The following CNTNAP2 variants were observed in gnomAD, a reference collection of about 807,000 sequenced individuals.
CNTNAP2 encodes the protein contactin-associated protein-like 2.
In CNTNAP2, 98 loss-of-function variants were observed where a neutral mutation model predicts 155.2. The ratio of observed to expected loss-of-function variants is 0.63; its 90% CI spans 0.54 to 0.75. CNTNAP2 has a LOEUF of 0.75. CNTNAP2 is among the 30% of genes least tolerant of loss of function. CNTNAP2 has a pLI of 0.00. For missense variants in CNTNAP2, 1,727 were observed against 1,688.1 expected, an observed-to-expected ratio of 1.02 and a Z score of -0.40; for synonymous variants, 651 against 631.2, an observed-to-expected ratio of 1.03 and a Z score of -0.47.
chr7:147,420,134 C>T (rs1194616518), intron 10 of CNTNAP2, among the ~76,000 whole-genome samples: 2 of 152,142 alleles, frequency 1.3e-5, no homozygotes, highest in Non-Finnish European at 2.9e-5. Context: ...ATAAATTGCA[C>T]CATTTGCCAA....
intron 10 of CNTNAP2, among the ~76,000 whole-genome samples, chr7:147,434,740 G>A (rs1475241596): frequency 6.6e-6 from 1 of 152,194 alleles, no homozygotes; most frequent in East Asian, 1.9e-4. Flanking sequence ...AGCTTTAGTT[G>A]TACATGGAGC....
At chr7:147,545,142 A>G (rs900128797) in intron 11 of CNTNAP2, among the ~76,000 whole-genome samples, 1 of 152,092 alleles carries the variant, frequency 6.6e-6, no homozygotes, top group Non-Finnish European at 1.5e-5. Context: ...TTATTACTGG[A>G]TTTACTTTTT....
At chr7:147,463,958 T>TTA (rs774709661) in intron 10 of CNTNAP2, among the ~76,000 whole-genome samples, 2 of 82,968 alleles carry the variant, frequency 2.4e-5, no homozygotes, top group African/African-American at 9.8e-5. Context: ...GCCCCACTAC[T>TTA]AAAAAAAAAA....
At position 146,160,363 on chromosome 7, in the gene CNTNAP2, A is replaced by G. The variant is rs574899642; in HGVS notation, c.97+43390A>G. ...AGATCAGAGCAGAAATGAAGGTGAT[A>G]GAGACACAAAAAACCCTTCAAAAAA... On this transcript the variant is annotated intron_variant, in intron 1 of 23. Coordinates refer to ENST00000361727, the MANE Select transcript of CNTNAP2 (RefSeq NM_014141.6). 9.2e-5 allele frequency among the ~76,000 whole-genome samples: 14 copies of G among 152,332 alleles called. No individual in the cohort carries two copies. In the South Asian group the frequency reaches 1.7e-3, roughly 18 times the overall value.
At chr7:146,950,448 C>T (rs545853680) in intron 3 of CNTNAP2, among the ~76,000 whole-genome samples, 155 of 152,140 alleles carry the variant, frequency 1.0e-3, no homozygotes, top group African/African-American at 3.6e-3. Context: ...CTCCCCTTGC[C>T]CCCCACCACC....
At chr7:147,265,614 TG>T (rs1804589039) in intron 8 of CNTNAP2, among the ~76,000 whole-genome samples, 1 of 152,118 alleles carries the variant, frequency 6.6e-6, no homozygotes, top group Non-Finnish European at 1.5e-5. Flanking sequence ...CTCAGACGAG[TG>T]GGTTTCCCCC....
chr7:147,722,787 A>G (rs1396761554), intron 13 of CNTNAP2, among the ~76,000 whole-genome samples: 1 of 152,096 alleles, frequency 6.6e-6, no homozygotes, highest in Non-Finnish European at 1.5e-5. Context: ...AACACCTGCT[A>G]CTGTGTAGTT....
At chr7:146,954,455 G>T (rs1797391046) in intron 3 of CNTNAP2, among the ~76,000 whole-genome samples, 1 of 151,914 alleles carries the variant, frequency 6.6e-6, no homozygotes, top group South Asian at 2.1e-4. Context: ...AATGTGGAAA[G>T]AAAAGGAAAC....
intron 13 of CNTNAP2, among the ~76,000 whole-genome samples, chr7:147,662,697 G>A (rs1175316257): frequency 6.6e-6 from 1 of 152,112 alleles, no homozygotes; most frequent in Non-Finnish European, 1.5e-5. Context: ...TTATTTCTGT[G>A]TCTTCCATTC....
intron 14 of CNTNAP2, among the ~76,000 whole-genome samples, chr7:147,967,019 G>A (rs1371627837): frequency 6.6e-6 from 1 of 151,904 alleles, no homozygotes; most frequent in Non-Finnish European, 1.5e-5. Flanking sequence ...TATAAGGGAA[G>A]ATTTTCCCCT....
In CNTNAP2 at chr7:147,451,583, G is replaced by A. The variant is rs1016001996; in HGVS notation, c.1671-34352G>A. 3.9e-5 allele frequency among the ~76,000 whole-genome samples: 6 copies of A among 151,966 alleles called. No homozygotes were observed. In the South Asian group the frequency reaches 6.2e-4, roughly 16 times the overall value. Reference sequence around the variant, plus strand: ...CCAGAGAAAACTTTCTCAAGATCACGTAGCTAGAAACATACTGGACCCAGG... The same window carrying A: ...CCAGAGAAAACTTTCTCAAGATCACATAGCTAGAAACATACTGGACCCAGG... On this transcript the variant is annotated intron_variant, in intron 10 of 23. Coordinates refer to ENST00000361727, the MANE Select transcript of CNTNAP2 (RefSeq NM_014141.6).
At position 146,426,402 on chromosome 7, in the gene CNTNAP2, T is replaced by C. The variant is rs962813549; in HGVS notation, c.97+309429T>C. Among the ~76,000 whole-genome samples the C allele has an allele frequency of 5.3e-3, 597 of 113,296 alleles. 2 individuals are homozygous for C. The highest frequency in any genetic ancestry group is 0.02 in the East Asian group (82 of 4,180). 74.3% of individuals were successfully genotyped at this position (113,296 alleles called of 152,430 possible). Reference sequence around the variant, plus strand: ...AACAAAATGTATATATATATATATATATATATACACACACACACATATACA... The same window carrying C: ...AACAAAATGTATATATATATATATACATATATACACACACACACATATACA... On this transcript the variant is annotated intron_variant, in intron 1 of 23. Transcript: ENST00000361727.
At chr7:147,035,143 G>A (rs1316216931) in intron 3 of CNTNAP2, among the ~76,000 whole-genome samples, 1 of 152,140 alleles carries the variant, frequency 6.6e-6, no homozygotes, top group African/African-American at 2.4e-5. Flanking sequence ...CCTATGGAAC[G>A]AGGGGATTGA....
At chr7:147,793,569 A>G (rs1797851599) in intron 13 of CNTNAP2, among the ~76,000 whole-genome samples, 1 of 152,104 alleles carries the variant, frequency 6.6e-6, no homozygotes, top group Admixed American at 6.6e-5. Context: ...CTTGATTACT[A>G]TAGCTTTGCA....
intron 1 of CNTNAP2, among the ~76,000 whole-genome samples, chr7:146,721,439 A>ATATACATTC (rs1563203590): frequency 3.0e-4 from 36 of 121,604 alleles, no homozygotes; most frequent in Admixed American, 1.1e-3. Flanking sequence ...TATATATTCT[A>ATATACATTC]TATATACATT....
At chr7:147,603,230 T>C (rs1800990237) in intron 12 of CNTNAP2, among the ~76,000 whole-genome samples, 2 of 152,064 alleles carry the variant, frequency 1.3e-5, no homozygotes, top group Non-Finnish European at 2.9e-5. Context: ...ATTTCTCTGA[T>C]GGCCAGTGAT....
chr7:146,831,777 C>T (rs1490578706), intron 2 of CNTNAP2, among the ~76,000 whole-genome samples: 1 of 146,892 alleles, frequency 6.8e-6, no homozygotes, highest in Non-Finnish European at 1.5e-5. Context: ...AGTAGTTTTG[C>T]TACTTCTAGA....
chr7:148,406,088 C>T (rs989445153), intron 22 of CNTNAP2, among the ~76,000 whole-genome samples: 5 of 151,560 alleles, frequency 3.3e-5, no homozygotes, highest in South Asian at 2.1e-4. Flanking sequence ...AAAAATTAGC[C>T]GGGCATGTTG....
At chr7:147,565,666 A>C (rs956725379) in intron 12 of CNTNAP2, among the ~76,000 whole-genome samples, 1 of 152,190 alleles carries the variant, frequency 6.6e-6, no homozygotes, top group Admixed American at 6.5e-5. Context: ...AGAATGTTTA[A>C]AGAGAGACAG....
Sources: allele counts gnomAD v4.1 joint callset (sites outside exome capture counted in the v4.1 genomes callset), GRCh38; gene constraint gnomAD v4.1.1; transcripts MANE v1.5; gene names NCBI Gene and HGNC (gene_info 2026-07-23, HGNC 2026-07-21).